Variants in TPP2 observed in about 807,000 individuals in gnomAD.
TPP2 encodes tripeptidyl peptidase 2.
A neutral mutation model predicts 155.9 loss-of-function variants in TPP2; 34 were observed. The observed-to-expected ratio is 0.22, with a 90% CI of 0.17 to 0.29. The LOEUF (loss-of-function observed/expected upper bound fraction) is 0.29, where lower values mean the gene tolerates loss of function less well. TPP2 is among the 10% of genes least tolerant of loss of function. TPP2 has a pLI of 1.00. For synonymous variants in TPP2, 510 were observed against 529.4 expected (o/e 0.96, Z 0.50); for missense variants, 1,028 against 1,522.3 (o/e 0.68, Z 5.40).
intron 5 of TPP2, among the ~76,000 whole-genome samples, chr13:102,622,092 A>G (rs1881210462): frequency 6.6e-6 from 1 of 152,240 alleles, no homozygotes; most frequent in African/African-American, 2.4e-5. Context: ...TTAATGAAAT[A>G]TGCTTCAGTA....
chr13:102,659,177 G>A (rs1884045148), intron 25 of TPP2, among the ~76,000 whole-genome samples: 1 of 152,134 alleles, frequency 6.6e-6, no homozygotes, highest in Non-Finnish European at 1.5e-5. Context: ...CTCAAAAACA[G>A]TGGAGAAAAA....
At chr13:102,637,272 C>T in intron 14 of TPP2, 33 bp downstream of exon 14, 1 of 1,560,610 alleles carries the variant, frequency 6.4e-7, no homozygotes, top group Non-Finnish European at 8.6e-7. Flanking sequence ...ACTTTCTTCA[C>T]TCTTTAAAAT....
rs142443365 is a variant in TPP2, at chr13:102,628,897, T to C, written c.1017-585T>C. On this transcript the variant is annotated intron_variant, in intron 8 of 29. Coordinates refer to ENST00000376052, the MANE Select transcript of TPP2 (RefSeq NM_001330588.2). ...TCTTCCCTTTCTCAGATACTCACAC[T>C]TACAACTTTGAAGGGTCCTGTGCAT... Among the ~76,000 whole-genome samples the C allele has an allele frequency of 7.9e-5, 12 of 152,276 alleles. No homozygotes were observed. In the East Asian group the frequency reaches 2.1e-3, roughly 27 times the overall value.
chr13:102,666,608 T>C (rs1884611035), intron 27 of TPP2, among the ~76,000 whole-genome samples: 1 of 152,132 alleles, frequency 6.6e-6, no homozygotes, highest in Admixed American at 6.5e-5. Flanking sequence ...GTGAAAATAA[T>C]ATGATTTTCT....
intron 16 of TPP2, 22 bp downstream of exon 16, chr13:102,640,398 G>C (rs375515266): frequency 4.5e-5 from 71 of 1,567,318 alleles, no homozygotes; most frequent in Non-Finnish European, 6.1e-5. Flanking sequence ...TAAAATCTGT[G>C]TGACCGCTTA....
intron 24 of TPP2, chr13:102,654,838 C>G (rs688467): frequency 0.022 from 9,004 of 414,862 alleles, 714 homozygotes; most frequent in African/African-American, 0.17. Flanking sequence ...TCCATAAGAA[C>G]TTGGTGGTAG....
intron 27 of TPP2, among the ~76,000 whole-genome samples, chr13:102,666,996 G>A (rs1334475681): frequency 6.6e-6 from 1 of 151,970 alleles, no homozygotes; most frequent in East Asian, 1.9e-4. Flanking sequence ...TGGCCTGACT[G>A]AAATAGACTC....
intron 7 of TPP2, among the ~76,000 whole-genome samples, chr13:102,627,417 GC>G (rs1413099286): frequency 3.9e-5 from 6 of 151,946 alleles, no homozygotes; most frequent in Non-Finnish European, 8.8e-5. Flanking sequence ...CTCCTAACAA[GC>G]AATTTTGAGA....
chr13:102,643,465 G>GATTTTATAAATATTGCA lies in TPP2; in HGVS notation c.2175+89_2175+90insATTTTATAAATATTGCA, dbSNP rs1882900033. 3 of 1,232,072 alleles carry GATTTTATAAATATTGCA rather than the reference G, an allele frequency of 2.4e-6. No homozygotes were observed. In the African/African-American group the frequency reaches 4.7e-5, roughly 19 times the overall value. The allele number at this position is 1,232,072 out of a possible 1,614,324, so 76.3% of individuals were successfully genotyped here. ...CTAAGTATTTGCATTTGATTTTATA[G>GATTTTATAAATATTGCA]TTTGTATTTAGCATGTTGGGATTAT... On this transcript the variant is annotated intron_variant, in intron 17 of 29. Transcript: ENST00000376052.
intron 2 of TPP2, among the ~76,000 whole-genome samples, chr13:102,610,736 C>T (rs371961423): frequency 6.6e-6 from 1 of 152,086 alleles, no homozygotes; most frequent in Non-Finnish European, 1.5e-5. Context: ...TATGGTACTC[C>T]CATGAGCAGA....
intron 27 of TPP2, among the ~76,000 whole-genome samples, chr13:102,673,085 C>T (rs533753072): frequency 6.6e-6 from 1 of 152,314 alleles, no homozygotes; most frequent in East Asian, 1.9e-4. Flanking sequence ...CTTTGAACCT[C>T]TGAGAATACC....
rs35157211 is a variant in TPP2, at chr13:102,661,250, C to CTTT, written c.3144-2382_3144-2380dup. On this transcript the variant is annotated intron_variant, in intron 25 of 29. Transcript: ENST00000376052. ...TGCAAAATATATAAAGAACGCTAAC[C>CTTT]TTTTTTTTTTTTTTTTTTGAGACAG... 9.5e-3 allele frequency among the ~76,000 whole-genome samples: 1,183 copies of CTTT among 124,084 alleles called. 63 individuals carry two copies. Among genetic ancestry groups the CTTT allele is most frequent in the African/African-American group, 0.032 (1,028 of 31,886 alleles). The allele number at this position is 124,084 out of a possible 152,430, so 81.4% of individuals were successfully genotyped here.
chr13:102,635,331 C>T (rs543504839), intron 11 of TPP2, among the ~76,000 whole-genome samples: 2 of 152,254 alleles, frequency 1.3e-5, no homozygotes, highest in Admixed American at 6.5e-5. Flanking sequence ...GTTTATATTA[C>T]GCCACAAAGC....
chr13:102,655,833 G>A (rs1041437296), intron 24 of TPP2, among the ~76,000 whole-genome samples: 2 of 151,922 alleles, frequency 1.3e-5, no homozygotes, highest in African/African-American at 4.8e-5. Flanking sequence ...ATGGGCAGTT[G>A]ATCATTTTCT....
Position 102,605,269 on chromosome 13 carries a change from C to T in TPP2, c.294+348C>T, listed in dbSNP as rs187158872. Among the ~76,000 whole-genome samples the T allele has an allele frequency of 2.0e-3, 311 of 152,308 alleles. 2 individuals carry two copies. The highest frequency in any genetic ancestry group is 0.01 in the Middle Eastern group (3 of 292). On this transcript the variant is annotated intron_variant, in intron 2 of 29. Coordinates refer to ENST00000376052, the MANE Select transcript of TPP2 (RefSeq NM_001330588.2). ...TTGGCTCCTTGCCATTGGGCCTCTC[C>T]GCAGTGCTGCAGTACCTGGCAGCAC...
chr13:102,649,410 T>C lies in TPP2; in HGVS notation c.2876T>C (p.Ile959Thr), dbSNP rs201771339. The C allele has an allele frequency of 1.6e-5, 25 of 1,607,098 alleles. No homozygotes were observed. The highest frequency in any genetic ancestry group is 1.7e-4 in the Middle Eastern group (1 of 6,054). The change falls in exon 23 of 30, where the codon ATA (isoleucine) becomes ACA (threonine). Residue 959 changes from isoleucine (I) to threonine (T), a missense_variant and splice_region_variant. Transcript: ENST00000376052. ...TCTCTTTGAATTCTCTTGTTTAGAA[T>C]ACCTAAAGGGGCAGGACCTGGATGC... ...FFVTSLPDDK[I>T]PKGAGPGCYL... is the part of the protein sequence containing the mutation.
intron 28 of TPP2, among the ~76,000 whole-genome samples, chr13:102,675,416 C>T (rs541192424): frequency 6.6e-6 from 1 of 152,048 alleles, no homozygotes; most frequent in Non-Finnish European, 1.5e-5. Context: ...AGGCAACTTA[C>T]AAAATTTTGA....
intron 1 of TPP2, among the ~76,000 whole-genome samples, chr13:102,603,785 A>G (rs1438764001): frequency 1.3e-5 from 2 of 152,180 alleles, no homozygotes; most frequent in Non-Finnish European, 2.9e-5. Context: ...CTTCATGTCC[A>G]TGATTTTGGA....
chr13:102,618,629 A>G, intron 4 of TPP2, 93 bp from the exon 5 acceptor site: 1 of 1,446,624 alleles, frequency 6.9e-7, no homozygotes. Flanking sequence ...AAATAATTTT[A>G]CTATGGATTA....
Sources: gnomAD v4.1 joint callset for allele counts (sites outside exome capture counted in the v4.1 genomes callset) on GRCh38, gnomAD v4.1.1 for gene constraint, MANE v1.5 for transcripts, NCBI Gene and HGNC (gene_info 2026-07-23, HGNC 2026-07-21) for gene names.